The following CSMD1 variants were observed in gnomAD, a reference collection of about 807,000 sequenced individuals.
The protein encoded by CSMD1 is CUB and Sushi multiple domains 1.
Under a neutral mutation model 417.5 loss-of-function variants are expected in CSMD1, and 213 were observed. The ratio of observed to expected loss-of-function variants is 0.51; its 90% CI spans 0.46 to 0.57. The LOEUF is 0.57. CSMD1 is among the 20% of genes least tolerant of loss of function. The probability of loss-of-function intolerance (pLI) is 0.00; values close to 1 mark genes in which losing one functional copy is unlikely to be tolerated. For missense variants in CSMD1, 6,923 were observed against 4,529.7 expected (o/e 1.53, Z -15.17); for synonymous variants, 2,862 against 1,736.8 (o/e 1.65, Z -16.11).
intron 3 of CSMD1, among the ~76,000 whole-genome samples, chr8:4,408,804 A>T (rs1050081027): frequency 3.3e-5 from 5 of 152,210 alleles, no homozygotes; most frequent in African/African-American, 1.2e-4. Context: ...AAAGAAAAAA[A>T]ATAGCACAAT....
intron 2 of CSMD1, among the ~76,000 whole-genome samples, chr8:4,444,321 T>C (rs1798654554): frequency 1.8e-5 from 2 of 113,702 alleles, no homozygotes; most frequent in African/African-American, 6.8e-5. Flanking sequence ...CACTCAAGCC[T>C]GGGCTACAGA....
At chr8:3,377,921 C>T (rs995661646) in intron 18 of CSMD1, among the ~76,000 whole-genome samples, 1 of 152,198 alleles carries the variant, frequency 6.6e-6, no homozygotes, top group Non-Finnish European at 1.5e-5. Flanking sequence ...CTCTTTCTAT[C>T]TAACTTTATG....
intron 2 of CSMD1, among the ~76,000 whole-genome samples, chr8:4,628,364 G>C (rs1192012798): frequency 6.7e-6 from 1 of 148,876 alleles, no homozygotes; most frequent in African/African-American, 2.5e-5. Flanking sequence ...TTCTATGTAT[G>C]TGTGTGTGTA....
chr8:4,783,835 T>C (rs1361695321), intron 1 of CSMD1, among the ~76,000 whole-genome samples: 1 of 152,184 alleles, frequency 6.6e-6, no homozygotes, highest in Non-Finnish European at 1.5e-5. Context: ...AAAACATTCT[T>C]ATATTGGTGA....
chr8:4,853,271 G>A (rs1371690231), intron 1 of CSMD1, among the ~76,000 whole-genome samples: 1 of 152,088 alleles, frequency 6.6e-6, no homozygotes, highest in East Asian at 1.9e-4. Flanking sequence ...CAGGCCCAGA[G>A]GTCTACAAAG....
At chr8:4,148,300 T>C (rs1346323341) in intron 3 of CSMD1, among the ~76,000 whole-genome samples, 3 of 136,662 alleles carry the variant, frequency 2.2e-5, no homozygotes, top group African/African-American at 8.4e-5. Context: ...TTCTCACTCA[T>C]AGGTGGGAAT....
intron 3 of CSMD1, among the ~76,000 whole-genome samples, chr8:4,394,180 G>C (rs760137164): frequency 1.3e-5 from 2 of 152,138 alleles, no homozygotes; most frequent in East Asian, 1.9e-4. Flanking sequence ...ACATACATCT[G>C]TGTGTTGTAT....
chr8:3,851,434 T>C (rs1266520976), intron 5 of CSMD1, among the ~76,000 whole-genome samples: 1 of 152,170 alleles, frequency 6.6e-6, no homozygotes, highest in East Asian at 1.9e-4. Context: ...CAGTGCTGAG[T>C]ATTGCACTTC....
At chr8:3,176,892 C>T (rs1820969609) in intron 37 of CSMD1, among the ~76,000 whole-genome samples, 2 of 151,896 alleles carry the variant, frequency 1.3e-5, no homozygotes, top group Admixed American at 6.6e-5. Context: ...GATCATCCCA[C>T]CTCAGCCTCC....
intron 5 of CSMD1, among the ~76,000 whole-genome samples, chr8:3,967,879 C>T (rs1019699085): frequency 1.3e-5 from 2 of 151,758 alleles, no homozygotes; most frequent in African/African-American, 4.8e-5. Context: ...AAGAATGTGC[C>T]ACAATTGGCC....
intron 3 of CSMD1, among the ~76,000 whole-genome samples, chr8:4,204,843 C>A (rs1429729003): frequency 6.6e-6 from 1 of 151,634 alleles, no homozygotes; most frequent in Non-Finnish European, 1.5e-5. Flanking sequence ...TTTTTTTTTA[C>A]AAAGACAGGG....
chr8:3,354,983 A>G (rs367602221), intron 21 of CSMD1, among the ~76,000 whole-genome samples: 14 of 149,078 alleles, frequency 9.4e-5, no homozygotes, highest in Admixed American at 7.9e-4. Flanking sequence ...AACTAGATAT[A>G]AATTAAACTA....
At chr8:3,535,659 T>C (rs758367472) in intron 10 of CSMD1, among the ~76,000 whole-genome samples, 7 of 152,228 alleles carry the variant, frequency 4.6e-5, no homozygotes, top group Non-Finnish European at 1.0e-4. Context: ...TCTTAACCAC[T>C]ACAAAATCTA....
chr8:4,148,236 C>G (rs867080760), intron 3 of CSMD1, among the ~76,000 whole-genome samples: 2 of 151,754 alleles, frequency 1.3e-5, no homozygotes, highest in African/African-American at 2.4e-5. Context: ...AACTTTAAAA[C>G]AAAATGAAAA....
At chr8:4,978,233 G>T (rs761452446) in intron 1 of CSMD1, among the ~76,000 whole-genome samples, 19 of 152,104 alleles carry the variant, frequency 1.2e-4, no homozygotes, top group African/African-American at 4.3e-4. Flanking sequence ...AACCTTTTAA[G>T]ATATAATTGC....
chr8:3,943,566 A>C (rs540861739), intron 5 of CSMD1, among the ~76,000 whole-genome samples: 1 of 152,136 alleles, frequency 6.6e-6, no homozygotes, highest in African/African-American at 2.4e-5. Flanking sequence ...TGTATTATTT[A>C]CAAAAAGAAA....
At chr8:3,750,563 T>C (rs976225465) in intron 6 of CSMD1, among the ~76,000 whole-genome samples, 4 of 152,192 alleles carry the variant, frequency 2.6e-5, no homozygotes, top group Non-Finnish European at 5.9e-5. Flanking sequence ...TTCTTTAATG[T>C]ATTTAGTTCA....
At chr8:4,188,989 C>G (rs777352188) in intron 3 of CSMD1, among the ~76,000 whole-genome samples, 5 of 152,122 alleles carry the variant, frequency 3.3e-5, no homozygotes, top group African/African-American at 4.8e-5. Flanking sequence ...TAATGTTGGA[C>G]TGTGATGTAA....
rs370048118 is a variant in CSMD1, at chr8:2,963,235, G to A, written c.9441C>T (p.Ile3147=). ...TGTAGAACTTACGGAGACACTGGGGGATCTCTCCTTTCCACACCCCGCGAC... is the reference window on the plus strand; with the variant it reads ...TGTAGAACTTACGGAGACACTGGGGAATCTCTCCTTTCCACACCCCGCGAC... ...CEGRGVWKGE[I]PQCLPVFCGD... Residue 3147 remains isoleucine (I), a synonymous_variant, in exon 60 of 70, where the codon ATC becomes ATT. Transcript: ENST00000635120. The A allele has an allele frequency of 5.0e-6, 8 of 1,613,804 alleles. No individual in the cohort carries two copies. The highest frequency in any genetic ancestry group is 3.3e-5 in the South Asian group (3 of 91,090).
Sources: gnomAD v4.1 joint callset for allele counts (sites outside exome capture counted in the v4.1 genomes callset) on GRCh38, gnomAD v4.1.1 for gene constraint, MANE v1.5 for transcripts, NCBI Gene and HGNC (gene_info 2026-07-23, HGNC 2026-07-21) for gene names.